Variants in PIP5K1B observed in about 807,000 individuals in gnomAD.
The protein encoded by PIP5K1B is phosphatidylinositol 4-phosphate 5-kinase type-1 beta.
A neutral mutation model predicts 67.0 loss-of-function variants in PIP5K1B; 42 were observed. The ratio of observed to expected loss-of-function variants is 0.63; its 90% CI spans 0.49 to 0.81. The LOEUF (loss-of-function observed/expected upper bound fraction) is 0.81. Ranked by LOEUF, PIP5K1B falls within the 30% of genes least tolerant of loss-of-function variation. PIP5K1B has a pLI of 0.00. For synonymous variants in PIP5K1B, 214 were observed against 231.4 expected (o/e 0.92, Z 0.68); for missense variants, 459 against 646.3 (o/e 0.71, Z 3.14).
intron 14 of PIP5K1B, among the ~76,000 whole-genome samples, chr9:68,959,595 C>A (rs115147361): frequency 1.3e-5 from 2 of 152,110 alleles, no homozygotes; most frequent in South Asian, 4.1e-4. Context: ...CCTTTTATCA[C>A]CCCACCTTCA....
chr9:68,861,659 G>A (rs1228558615), intron 4 of PIP5K1B, among the ~76,000 whole-genome samples: 4 of 152,224 alleles, frequency 2.6e-5, no homozygotes, highest in Non-Finnish European at 5.9e-5. Context: ...TTAGAACAGT[G>A]TGGCGTATCG....
At chr9:68,726,989 T>C (rs1828183220) in intron 1 of PIP5K1B, among the ~76,000 whole-genome samples, 1 of 152,204 alleles carries the variant, frequency 6.6e-6, no homozygotes, top group Admixed American at 6.5e-5. Flanking sequence ...TGTTGTTTTT[T>C]TTTTTAGCAC....
intron 1 of PIP5K1B, among the ~76,000 whole-genome samples, chr9:68,710,230 A>AT (rs760803619): frequency 1.3e-5 from 2 of 151,368 alleles, no homozygotes; most frequent in African/African-American, 2.4e-5. Flanking sequence ...GGAATCCTTC[A>AT]TTTTTTTTTA....
At chr9:68,763,583 G>A (rs1191018952) in intron 2 of PIP5K1B, among the ~76,000 whole-genome samples, 1 of 151,996 alleles carries the variant, frequency 6.6e-6, no homozygotes, top group Non-Finnish European at 1.5e-5. Flanking sequence ...ACTGTTGGCT[G>A]GGGAAATTGT....
At chr9:68,910,509 CACTT>C (rs1400792170) in intron 8 of PIP5K1B, among the ~76,000 whole-genome samples, 6 of 132,420 alleles carry the variant, frequency 4.5e-5, no homozygotes, top group Middle Eastern at 3.6e-3. Context: ...TTTTGGTTTT[CACTT>C]ACTTATACAT....
intron 8 of PIP5K1B, among the ~76,000 whole-genome samples, chr9:68,913,389 A>G (rs141125681): frequency 1.3e-5 from 2 of 152,334 alleles, no homozygotes; most frequent in African/African-American, 2.4e-5. Flanking sequence ...GGTGTCTGTC[A>G]TGTTGCAGAA....
At chr9:68,939,534 A>C (rs1434816196) in intron 13 of PIP5K1B, among the ~76,000 whole-genome samples, 1 of 152,218 alleles carries the variant, frequency 6.6e-6, no homozygotes, top group African/African-American at 2.4e-5. Context: ...AAGCCTTTCT[A>C]ATTTTTGAAG....
intron 8 of PIP5K1B, among the ~76,000 whole-genome samples, chr9:68,895,283 A>C (rs1470486007): frequency 2.0e-5 from 3 of 152,036 alleles, no homozygotes; most frequent in Admixed American, 6.5e-5. Context: ...AAAAAAAAAA[A>C]AAAACTAAGG....
chr9:68,730,586 C>A (rs1002425602), intron 1 of PIP5K1B, among the ~76,000 whole-genome samples: 1 of 152,172 alleles, frequency 6.6e-6, no homozygotes, highest in South Asian at 2.1e-4. Flanking sequence ...AAACAGATTT[C>A]TAAATTCTTA....
At chr9:68,728,223 T>A (rs1014572235) in intron 1 of PIP5K1B, among the ~76,000 whole-genome samples, 12 of 152,172 alleles carry the variant, frequency 7.9e-5, no homozygotes, top group African/African-American at 2.7e-4. Context: ...AACGAACATT[T>A]ATTTCACACA....
chr9:68,942,490 G>C (rs963359418), intron 14 of PIP5K1B, among the ~76,000 whole-genome samples: 8 of 148,834 alleles, frequency 5.4e-5, no homozygotes, highest in Admixed American at 4.0e-4. Flanking sequence ...GTGGTGGTAA[G>C]TATCCAGTCT....
At chr9:68,851,805 C>T (rs1481010127) in intron 4 of PIP5K1B, among the ~76,000 whole-genome samples, 3 of 152,204 alleles carry the variant, frequency 2.0e-5, no homozygotes, top group Admixed American at 6.5e-5. Flanking sequence ...AGTAACTGGT[C>T]CACCAGAGTT....
At chr9:68,885,871 C>T (rs370588787) in intron 6 of PIP5K1B, among the ~76,000 whole-genome samples, 10 of 152,270 alleles carry the variant, frequency 6.6e-5, no homozygotes, top group South Asian at 6.2e-4. Context: ...CATTATTTGT[C>T]GATCGAAAAT....
intron 14 of PIP5K1B, chr9:68,965,465 A>C (rs1226583181): frequency 2.0e-5 from 3 of 152,238 alleles, no homozygotes; most frequent in Admixed American, 2.0e-4. Context: ...AAACGAAGCC[A>C]GTTCCAAACG....
At position 68,705,480 on chromosome 9, in the gene PIP5K1B, G is replaced by GGC. The variant is rs1161585052; in HGVS notation, c.-516_-515dup. The GGC allele has an allele frequency of 6.6e-6, 1 of 151,304 alleles. No homozygotes were observed. Among genetic ancestry groups the GGC allele is most frequent in the Non-Finnish European group, 1.5e-5 (1 of 67,618 alleles). 9.4% of individuals were successfully genotyped at this position (151,304 alleles called of 1,614,324 possible). ...AAGCGGGGACACACACACTCGCCGCGGCGCGCGCGCACTGCACACTCGTAG... is the reference window on the plus strand; with the variant it reads ...AAGCGGGGACACACACACTCGCCGCGGCGCGCGCGCGCACTGCACACTCGTAG... On this transcript the variant is annotated 5_prime_UTR_variant, in exon 1 of 16. Transcript: ENST00000265382.
intron 15 of PIP5K1B, among the ~76,000 whole-genome samples, chr9:69,003,304 A>T (rs568681470): frequency 6.6e-6 from 1 of 152,230 alleles, no homozygotes; most frequent in South Asian, 2.1e-4. Flanking sequence ...AAAATGAAAC[A>T]CGGGACTAAG....
intron 15 of PIP5K1B, among the ~76,000 whole-genome samples, chr9:68,995,235 A>AAGAGAGAAAGAG (rs57209638): frequency 0.33 from 50,056 of 150,522 alleles, 8,609 homozygotes; most frequent in African/African-American, 0.38. Flanking sequence ...GGGAGAAAGA[A>AAGAGAGAAAGAG]AGAGAGAAAG....
rs1247133906 is a variant in PIP5K1B, at chr9:68,853,036, G to A, written c.70-10801G>A. On this transcript the variant is annotated intron_variant, in intron 4 of 15. Transcript: ENST00000265382. Reference sequence around the variant, plus strand: ...GAATTTGGATTCATTTCTACAGATGGTTAAAAATTAGTGGAGGCTTCTATG... The same window carrying A: ...GAATTTGGATTCATTTCTACAGATGATTAAAAATTAGTGGAGGCTTCTATG... 2.0e-5 allele frequency among the ~76,000 whole-genome samples: 3 copies of A among 152,166 alleles called. No individual in the cohort carries two copies. In the East Asian group the frequency reaches 5.8e-4, roughly 29 times the overall value.
intron 4 of PIP5K1B, among the ~76,000 whole-genome samples, chr9:68,858,097 C>T (rs1334705667): frequency 1.3e-5 from 2 of 152,020 alleles, no homozygotes; most frequent in African/African-American, 2.4e-5. Context: ...CCTCAGCCTC[C>T]TGAGTAGCTG....
Sources: gnomAD v4.1 joint callset for allele counts (sites outside exome capture counted in the v4.1 genomes callset) on GRCh38, gnomAD v4.1.1 for gene constraint, MANE v1.5 for transcripts, NCBI Gene and HGNC (gene_info 2026-07-23, HGNC 2026-07-21) for gene names.